KCNN2: variants seen among roughly 807,000 people sequenced by gnomAD.
KCNN2 encodes the protein potassium calcium-activated channel subfamily N member 2.
In KCNN2, 24 loss-of-function variants were observed where a neutral mutation model predicts 55.5. The ratio of observed to expected loss-of-function variants is 0.43; its 90% confidence interval spans 0.31 to 0.61. The LOEUF (loss-of-function observed/expected upper bound fraction) is 0.61. Ranked by LOEUF, KCNN2 falls within the 20% of genes least tolerant of loss-of-function variation. The pLI is 0.08. For synonymous variants in KCNN2, 431 were observed against 336.1 expected (o/e 1.28, Z -3.09); for missense variants, 754 against 853.6 (o/e 0.88, Z 1.45).
intron 1 of KCNN2, among the ~76,000 whole-genome samples, chr5:114,104,942 C>G (rs1162010508): frequency 6.6e-6 from 1 of 151,968 alleles, no homozygotes; most frequent in Non-Finnish European, 1.5e-5. Context: ...AGCAAAGAGG[C>G]ACAATGAAAA....
chr5:114,358,571 T>C (rs575794716), upstream of KCNN2, among the ~76,000 whole-genome samples: 1 of 152,360 alleles, frequency 6.6e-6, no homozygotes, highest in East Asian at 1.9e-4. Context: ...CTCTCACTTA[T>C]ATGCTTTAAT....
chr5:114,425,388 A>G (rs941552738), intron 3 of KCNN2, among the ~76,000 whole-genome samples: 4 of 152,130 alleles, frequency 2.6e-5, no homozygotes, highest in African/African-American at 7.2e-5. Context: ...ATTTCTGGAC[A>G]CCTCCTACTA....
At chr5:114,401,455 C>T (rs2150069451) in intron 2 of KCNN2, among the ~76,000 whole-genome samples, 1 of 152,302 alleles carries the variant, frequency 6.6e-6, no homozygotes, top group African/African-American at 2.4e-5. Context: ...AGGATAGTCA[C>T]TGTTAACTGA....
chr5:114,106,274 A>G (rs1437318513), intron 1 of KCNN2, among the ~76,000 whole-genome samples: 1 of 151,182 alleles, frequency 6.6e-6, no homozygotes, highest in African/African-American at 2.4e-5. Flanking sequence ...GGCTGTTTTC[A>G]GTTTTTGTCT....
At chr5:114,127,967 A>T (rs1751973335) in intron 1 of KCNN2, among the ~76,000 whole-genome samples, 1 of 152,090 alleles carries the variant, frequency 6.6e-6, no homozygotes, top group South Asian at 2.1e-4. Context: ...CTCAGCTTGG[A>T]CTTTATTGTG....
intron 1 of KCNN2, among the ~76,000 whole-genome samples, chr5:114,185,330 G>A (rs1213182577): frequency 6.6e-6 from 1 of 152,226 alleles, no homozygotes; most frequent in Non-Finnish European, 1.5e-5. Flanking sequence ...TTACATGTCA[G>A]TGTCATTATA....
At chr5:114,149,745 T>A (rs1752476481) in intron 1 of KCNN2, among the ~76,000 whole-genome samples, 1 of 152,158 alleles carries the variant, frequency 6.6e-6, no homozygotes. Context: ...AACCTATGAT[T>A]AGCAAGATAT....
At chr5:114,181,651 T>G (rs1046990751) in intron 1 of KCNN2, among the ~76,000 whole-genome samples, 1 of 152,228 alleles carries the variant, frequency 6.6e-6, no homozygotes, top group African/African-American at 2.4e-5. Context: ...GTTGCAAAGG[T>G]ACTCTTTTAT....
At chr5:114,119,094 A>G (rs1751776775) in intron 1 of KCNN2, among the ~76,000 whole-genome samples, 1 of 152,334 alleles carries the variant, frequency 6.6e-6, no homozygotes, top group African/African-American at 2.4e-5. Flanking sequence ...CCTAGTAAAT[A>G]TTACTAAAGC....
chr5:114,061,898 C>T (rs1178257716), intron 1 of KCNN2, among the ~76,000 whole-genome samples: 3 of 152,112 alleles, frequency 2.0e-5, no homozygotes, highest in Non-Finnish European at 4.4e-5. Context: ...CGAAGCTTGT[C>T]CAGTCAACTG....
upstream of KCNN2, among the ~76,000 whole-genome samples, chr5:114,357,389 G>A (rs1314069111): frequency 2.1e-5 from 3 of 139,832 alleles, no homozygotes; most frequent in African/African-American, 5.4e-5. Context: ...ATGCTGGTGC[G>A]CTGCACCCAC....
chr5:114,149,238 G>A (rs1166197584), intron 1 of KCNN2, among the ~76,000 whole-genome samples: 4 of 152,110 alleles, frequency 2.6e-5, no homozygotes, highest in Non-Finnish European at 5.9e-5. Flanking sequence ...AAAGAGGGGA[G>A]AGTCAGAAAA....
chr5:114,163,237 C>T (rs1311350447), intron 1 of KCNN2, among the ~76,000 whole-genome samples: 1 of 152,122 alleles, frequency 6.6e-6, no homozygotes, highest in African/African-American at 2.4e-5. Flanking sequence ...CGTCTGCAAA[C>T]AGGGATAGTT....
intron 1 of KCNN2, among the ~76,000 whole-genome samples, chr5:114,130,716 AT>A (rs993233196): frequency 2.0e-5 from 3 of 152,010 alleles, no homozygotes; most frequent in Non-Finnish European, 2.9e-5. Context: ...ATACTTCATA[AT>A]TTTTTTTCCT....
intron 2 of KCNN2, among the ~76,000 whole-genome samples, chr5:114,237,908 G>A (rs1250834068): frequency 1.3e-5 from 2 of 152,166 alleles, no homozygotes; most frequent in African/African-American, 4.8e-5. Context: ...TGGCCTTTTA[G>A]GTTGCAGCAG....
intron 1 of KCNN2, among the ~76,000 whole-genome samples, chr5:114,120,652 G>A (rs1356898335): frequency 1.3e-5 from 2 of 152,190 alleles, no homozygotes; most frequent in African/African-American, 4.8e-5. Context: ...GGGAACCTGA[G>A]TATTGGCAAA....
chr5:114,411,419 G>A (rs917564081), intron 3 of KCNN2, among the ~76,000 whole-genome samples: 1 of 152,084 alleles, frequency 6.6e-6, no homozygotes, highest in Admixed American at 6.6e-5. Flanking sequence ...GAAGTCCCAA[G>A]GAGAGGCCAT....
intron 2 of KCNN2, among the ~76,000 whole-genome samples, chr5:114,396,107 C>T (rs1430715077): frequency 2.0e-5 from 3 of 152,144 alleles, no homozygotes; most frequent in Non-Finnish European, 2.9e-5. Context: ...ATGGCACCAC[C>T]ATCCGCTGTG....
chr5:114,405,951 C>A (rs1279428735), intron 3 of KCNN2, among the ~76,000 whole-genome samples: 4 of 151,832 alleles, frequency 2.6e-5, no homozygotes, highest in Non-Finnish European at 4.4e-5. Context: ...ACCTCGTGAT[C>A]TGCCTGCCTC....
Sources: allele counts gnomAD v4.1 joint callset (sites outside exome capture counted in the v4.1 genomes callset), GRCh38; gene constraint gnomAD v4.1.1; transcripts MANE v1.5; gene names NCBI Gene and HGNC (gene_info 2026-07-23, HGNC 2026-07-21).